NR2C1: variants seen among roughly 807,000 people sequenced by gnomAD.
The protein encoded by NR2C1 is nuclear receptor subfamily 2 group C member 1.
In NR2C1, 33 loss-of-function variants were observed where a neutral mutation model predicts 74.8. The ratio of observed to expected loss-of-function variants is 0.44; its 90% CI spans 0.33 to 0.59. The LOEUF (loss-of-function observed/expected upper bound fraction) is 0.59. Among genes scored for constraint, NR2C1 ranks in the 20% least tolerant of loss-of-function variants. The pLI is 0.02. For missense variants in NR2C1, 568 were observed against 715.6 expected, an observed-to-expected ratio of 0.79 and a Z score of 2.35; for synonymous variants, 225 against 240.6, an observed-to-expected ratio of 0.94 and a Z score of 0.60.
At chr12:95,039,752 C>T (rs1871272956) in intron 10 of NR2C1, among the ~76,000 whole-genome samples, 1 of 152,188 alleles carries the variant, frequency 6.6e-6, no homozygotes, top group African/African-American at 2.4e-5. Flanking sequence ...CCCCCTTAGC[C>T]TCTAGAGTAG....
At chr12:95,064,333 A>AC (rs1875297061) in intron 2 of NR2C1, among the ~76,000 whole-genome samples, 1 of 151,080 alleles carries the variant, frequency 6.6e-6, no homozygotes, top group African/African-American at 2.4e-5. Flanking sequence ...TGTCTCAAAA[A>AC]AAAAAAAAAA....
intron 11 of NR2C1, 144 bp downstream of exon 11, chr12:95,031,205 T>A (rs760693186): frequency 1.4e-6 from 1 of 694,242 alleles, no homozygotes; most frequent in Non-Finnish European, 2.1e-6. Flanking sequence ...TTTATAAAAT[T>A]GTAAAAATTA....
At chr12:95,024,218 ATGTTT>A (rs1869081710) in intron 13 of NR2C1, among the ~76,000 whole-genome samples, 1 of 151,588 alleles carries the variant, frequency 6.6e-6, no homozygotes, top group South Asian at 2.1e-4. Context: ...AACTAATAAA[ATGTTT>A]TATTTATTAT....
At chr12:95,055,612 T>C (rs990158700) in intron 7 of NR2C1, among the ~76,000 whole-genome samples, 2 of 152,172 alleles carry the variant, frequency 1.3e-5, no homozygotes, top group Admixed American at 6.5e-5. Flanking sequence ...GTGACAAATA[T>C]ATAACAAATC....
At chr12:95,024,400 G>A (rs1869108620) in intron 13 of NR2C1, among the ~76,000 whole-genome samples, 1 of 152,104 alleles carries the variant, frequency 6.6e-6, no homozygotes, top group African/African-American at 2.4e-5. Flanking sequence ...AGCAAGTGCA[G>A]GAGTCAGAAT....
chr12:95,046,261 ATC>A (rs1401567124), intron 9 of NR2C1, among the ~76,000 whole-genome samples: 1 of 152,146 alleles, frequency 6.6e-6, no homozygotes, highest in Non-Finnish European at 1.5e-5. Context: ...ACATCTCTAC[ATC>A]TCTTTCTTCA....
At chr12:95,067,514 T>C (rs1708902252) in intron 1 of NR2C1, 123 bp from the exon 2 acceptor site, 1 of 776,856 alleles carries the variant, frequency 1.3e-6, no homozygotes, top group Non-Finnish European at 2.0e-6. Context: ...GGTGGGAGGG[T>C]TGGCTTTTTC....
chr12:95,063,597 T>C (rs540422268), intron 2 of NR2C1, among the ~76,000 whole-genome samples: 9 of 151,980 alleles, frequency 5.9e-5, no homozygotes, highest in East Asian at 3.9e-4. Flanking sequence ...TCCCAGCTAC[T>C]TGGGAGGCTG....
At chr12:95,048,798 A>G (rs969860087) in intron 9 of NR2C1, among the ~76,000 whole-genome samples, 20 of 151,740 alleles carry the variant, frequency 1.3e-4, no homozygotes, top group African/African-American at 4.8e-4. Flanking sequence ...CTGATTTTGT[A>G]TTTTTAGTAG....
At chr12:95,072,200 G>A (rs1482746871) in intron 1 of NR2C1, among the ~76,000 whole-genome samples, 1 of 150,848 alleles carries the variant, frequency 6.6e-6, no homozygotes, top group Admixed American at 6.6e-5. Flanking sequence ...GATCAGAGGC[G>A]GGTACATCAC....
intron 1 of NR2C1, among the ~76,000 whole-genome samples, chr12:95,071,501 G>C (rs926181737): frequency 4.6e-5 from 7 of 152,226 alleles, no homozygotes; most frequent in South Asian, 2.1e-4. Context: ...TATACATTGT[G>C]TGGCAGACAC....
intron 7 of NR2C1, among the ~76,000 whole-genome samples, chr12:95,055,236 T>A (rs1592771666): frequency 6.6e-6 from 1 of 152,228 alleles, no homozygotes; most frequent in Non-Finnish European, 1.5e-5. Context: ...ACGGTTGTCA[T>A]AACAATTTAA....
Position 95,025,130 on chromosome 12 carries a change from T to A in NR2C1, c.1637+20A>T. 9.1e-7 allele frequency: 1 copy of A among 1,104,770 alleles called. No individual in the cohort carries two copies. The highest frequency in any genetic ancestry group is 1.3e-6 in the Non-Finnish European group (1 of 754,388). The allele number at this position is 1,104,770 out of a possible 1,614,324, so 68.4% of individuals were successfully genotyped here. ...AGGTTTTTCAATTATTTTAATTATA[T>A]AGAATTTAACTCTAGATACCTGTAG... is the stretch of plus-strand genomic sequence containing the variant. On this transcript the variant is annotated intron_variant, in intron 13 of 13. Coordinates refer to ENST00000333003, the MANE Select transcript of NR2C1 (RefSeq NM_003297.4).
intron 7 of NR2C1, among the ~76,000 whole-genome samples, chr12:95,053,692 T>G (rs1873385101): frequency 7.5e-6 from 1 of 133,018 alleles, no homozygotes; most frequent in Admixed American, 7.4e-5. Context: ...TTTTTTTTTT[T>G]TTTTTTTTTT....
chr12:95,043,683 C>A, intron 9 of NR2C1, among the ~76,000 whole-genome samples: 1 of 80,888 alleles, frequency 1.2e-5, no homozygotes, highest in Admixed American at 9.9e-5. Context: ...GAGCAAGACT[C>A]TGTCTCAAAA....
chr12:95,062,813 G>C, intron 2 of NR2C1, 75 bp from the exon 3 acceptor site: 1 of 1,098,656 alleles, frequency 9.1e-7, no homozygotes, highest in African/African-American at 1.6e-5. Flanking sequence ...TCTTAGAAAA[G>C]CACATTACAT....
At chr12:95,027,148 G>A (rs890037593) in intron 12 of NR2C1, among the ~76,000 whole-genome samples, 1 of 152,058 alleles carries the variant, frequency 6.6e-6, no homozygotes, top group African/African-American at 2.4e-5. Context: ...TCAAATTCTC[G>A]GGCTGAAGTG....
intron 2 of NR2C1, 111 bp downstream of exon 2, chr12:95,067,220 C>T: frequency 1.2e-6 from 1 of 860,834 alleles, no homozygotes; most frequent in Admixed American, 2.1e-5. Context: ...GAAAAGCTAT[C>T]TTAAGTTAGG....
chr12:95,041,369 C>CT lies in NR2C1; in HGVS notation c.1132-773dup, dbSNP rs377047367. 9.1e-4 allele frequency among the ~76,000 whole-genome samples: 139 copies of CT among 152,188 alleles called. 1 individual carries two copies. The highest frequency in any genetic ancestry group is 3.0e-3 in the African/African-American group (125 of 41,546). On this transcript the variant is annotated intron_variant, in intron 9 of 13. Coordinates refer to ENST00000333003, the MANE Select transcript of NR2C1 (RefSeq NM_003297.4). ...AGCCGTGTGTGGTGAGCAGTCCCAG[C>CT]TACCCGGGAGGCTGAGGCAGGGGAA...
Sources: allele counts gnomAD v4.1 joint callset (sites outside exome capture counted in the v4.1 genomes callset), GRCh38; gene constraint gnomAD v4.1.1; transcripts MANE v1.5; gene names NCBI Gene and HGNC (gene_info 2026-07-23, HGNC 2026-07-21).